Variants in CLASP2 observed in about 807,000 individuals in gnomAD.
The protein encoded by CLASP2 is CLIP-associating protein 2.
In CLASP2, 47 loss-of-function variants were observed where a neutral mutation model predicts 194.4. The observed-to-expected ratio is 0.24, with a 90% confidence interval of 0.19 to 0.31. The LOEUF is 0.31. CLASP2 is among the 10% of genes least tolerant of loss of function. The pLI, the probability that CLASP2 is intolerant of heterozygous loss-of-function variation, is 1.00. For missense variants in CLASP2, 1,445 were observed against 1,823.6 expected (o/e 0.79, Z 3.78); for synonymous variants, 619 against 633.5 (o/e 0.98, Z 0.34).
chr3:33,514,914 T>C (rs1192169535), intron 36 of CLASP2, among the ~76,000 whole-genome samples: 1 of 152,176 alleles, frequency 6.6e-6, no homozygotes, highest in African/African-American at 2.4e-5. Flanking sequence ...AATAATGGCA[T>C]CCACAGCAAC....
chr3:33,520,820 TACACACACACACACACACAC>T (rs57151303), intron 34 of CLASP2, among the ~76,000 whole-genome samples: 2 of 142,436 alleles, frequency 1.4e-5, no homozygotes, highest in Non-Finnish European at 3.1e-5. Flanking sequence ...TGTAAATCTC[TACACACACACACACACACAC>T]ACACACACAC....
intron 8 of CLASP2, among the ~76,000 whole-genome samples, chr3:33,634,993 G>A (rs767389436): frequency 2.0e-5 from 3 of 152,028 alleles, no homozygotes; most frequent in Admixed American, 6.6e-5. Flanking sequence ...AGGCGCAGTG[G>A]CTCACACCTG....
chr3:33,656,053 C>T (rs1332156580), intron 7 of CLASP2, among the ~76,000 whole-genome samples: 1 of 152,090 alleles, frequency 6.6e-6, no homozygotes, highest in African/African-American at 2.4e-5. Context: ...GGTTTGATTG[C>T]CCAGAGCTAC....
At chr3:33,525,074 T>C (rs755211556) in intron 34 of CLASP2, among the ~76,000 whole-genome samples, 4 of 152,272 alleles carry the variant, frequency 2.6e-5, no homozygotes, top group South Asian at 2.1e-4. Flanking sequence ...TAAAACATAG[T>C]ATCTTCTCCC....
Position 33,498,567 on chromosome 3 carries a change from C to T in CLASP2, c.*64G>A. ...AAGGATGTGTTTGAGAACTTCCTTT[C>T]ATTGATGAGGGTGGTCTATCTGTCC... On this transcript the variant is annotated 3_prime_UTR_variant, in exon 39 of 39. Coordinates refer to ENST00000682230, the MANE Select transcript of CLASP2 (RefSeq NM_001365631.1). 2 of 1,010,116 alleles carry T rather than the reference C, an allele frequency of 2.0e-6. No homozygotes were observed. The highest frequency in any genetic ancestry group is 3.0e-6 in the Non-Finnish European group (2 of 656,912). 62.6% of individuals were successfully genotyped at this position (1,010,116 alleles called of 1,614,324 possible).
intron 8 of CLASP2, among the ~76,000 whole-genome samples, chr3:33,643,153 T>C (rs543840864): frequency 3.3e-5 from 5 of 152,030 alleles, no homozygotes; most frequent in Non-Finnish European, 2.9e-5. Context: ...ATCAGAATGA[T>C]AGGTAAATTT....
At chr3:33,521,961 A>C (rs1479622834) in intron 34 of CLASP2, among the ~76,000 whole-genome samples, 2 of 151,502 alleles carry the variant, frequency 1.3e-5, no homozygotes, top group Non-Finnish European at 2.9e-5. Context: ...TGTGGGAATC[A>C]GGGCATGAAA....
intron 6 of CLASP2, among the ~76,000 whole-genome samples, chr3:33,667,114 G>T (rs568489477): frequency 8.0e-4 from 122 of 152,150 alleles, no homozygotes; most frequent in African/African-American, 2.7e-3. Flanking sequence ...ACGTGTCTTA[G>T]AAGATATTTG....
chr3:33,684,323 A>G (rs769522233), intron 6 of CLASP2, 36 bp downstream of exon 6: 54 of 295,986 alleles, frequency 1.8e-4, no homozygotes, highest in Non-Finnish European at 2.7e-4. Flanking sequence ...ACTAGTGGTG[A>G]AAAAAAAAAA....
At chr3:33,653,363 A>T (rs547693902) in intron 7 of CLASP2, among the ~76,000 whole-genome samples, 4 of 152,296 alleles carry the variant, frequency 2.6e-5, no homozygotes, top group African/African-American at 9.6e-5. Context: ...ACAACACAAT[A>T]AAAAAATCTA....
chr3:33,644,467 A>G (rs1368288603), intron 8 of CLASP2: 5 of 371,226 alleles, frequency 1.3e-5, no homozygotes, highest in African/African-American at 1.1e-4. Flanking sequence ...TCTGCTTAAA[A>G]AAAACAAAAA....
chr3:33,674,100 A>G (rs1360526142), intron 6 of CLASP2, among the ~76,000 whole-genome samples: 1 of 152,240 alleles, frequency 6.6e-6, no homozygotes, highest in Non-Finnish European at 1.5e-5. Flanking sequence ...GACCTAATAG[A>G]CAGCTACAGA....
intron 21 of CLASP2, among the ~76,000 whole-genome samples, chr3:33,586,518 T>C (rs2067406010): frequency 6.6e-6 from 1 of 152,118 alleles, no homozygotes; most frequent in Non-Finnish European, 1.5e-5. Context: ...TTTCAGAGAC[T>C]GTGCATGGGT....
chr3:33,507,099 C>T (rs757725049), intron 37 of CLASP2, among the ~76,000 whole-genome samples: 5 of 152,030 alleles, frequency 3.3e-5, no homozygotes, highest in South Asian at 2.1e-4. Flanking sequence ...CCACCACACC[C>T]GGCTGATTTT....
At chr3:33,656,570 C>T (rs2084254848) in intron 7 of CLASP2, among the ~76,000 whole-genome samples, 1 of 152,072 alleles carries the variant, frequency 6.6e-6, no homozygotes, top group Non-Finnish European at 1.5e-5. Context: ...TTAGCTATAC[C>T]TAACACAATT....
At chr3:33,698,240 C>G (rs897790657) in intron 1 of CLASP2, among the ~76,000 whole-genome samples, 1 of 152,030 alleles carries the variant, frequency 6.6e-6, no homozygotes, top group Admixed American at 6.6e-5. Flanking sequence ...AACACTGTTA[C>G]GCCTAAGGCA....
intron 25 of CLASP2, among the ~76,000 whole-genome samples, chr3:33,571,653 A>G (rs1256091583): frequency 1.3e-5 from 2 of 151,750 alleles, no homozygotes; most frequent in Non-Finnish European, 2.9e-5. Flanking sequence ...AAAAACCAAA[A>G]AAACAAAAAC....
chr3:33,542,348 T>TAA (rs1250666455), intron 32 of CLASP2, among the ~76,000 whole-genome samples: 1 of 148,372 alleles, frequency 6.7e-6, no homozygotes, highest in Non-Finnish European at 1.5e-5. Flanking sequence ...ATTATATATA[T>TAA]AATGAATTAC....
intron 24 of CLASP2, 99 bp downstream of exon 24, chr3:33,576,070 T>G: frequency 1.2e-6 from 1 of 826,970 alleles, no homozygotes; most frequent in Non-Finnish European, 1.9e-6. Context: ...TAATCACTGA[T>G]TTTTCCCCAA....
Sources: gnomAD v4.1 joint callset for allele counts (sites outside exome capture counted in the v4.1 genomes callset) on GRCh38, gnomAD v4.1.1 for gene constraint, MANE v1.5 for transcripts, NCBI Gene and HGNC (gene_info 2026-07-23, HGNC 2026-07-21) for gene names.